RPL13A: variants seen among roughly 807,000 people sequenced by gnomAD.
RPL13A encodes ribosomal protein L13a, also known as large ribosomal subunit protein uL13.
RPL13A carries 4 observed loss-of-function variants against 30.8 expected under a neutral mutation model. The ratio of observed to expected loss-of-function variants is 0.13; its 90% CI spans 0.06 to 0.30. The LOEUF (loss-of-function observed/expected upper bound fraction) is 0.30. Ranked by LOEUF, RPL13A falls within the 10% of genes least tolerant of loss-of-function variation. The pLI is 1.00. For missense variants in RPL13A, 196 were observed against 272.6 expected (o/e 0.72, Z 1.98); for synonymous variants, 108 against 104.2 (o/e 1.04, Z -0.22).
chr19:49,490,007 T>C, intron 2 of RPL13A, 85 bp downstream of exon 2: 2 of 1,205,090 alleles, frequency 1.7e-6, no homozygotes, highest in Non-Finnish European at 2.5e-6. Context: ...CGTTTGAGTC[T>C]CACGGCCATG....
Position 49,487,619 on chromosome 19 carries a change from G to A in RPL13A, c.-11G>A, listed in dbSNP as rs1420397607. ...GACAAAACCTCCTCCTTTTCCAAGC[G>A]GCTGCCGAAGATGGCGGAGGTGCAG... is the stretch of plus-strand genomic sequence containing the variant. On this transcript the variant is annotated 5_prime_UTR_variant, in exon 1 of 8. Coordinates refer to ENST00000391857, the MANE Select transcript of RPL13A (RefSeq NM_012423.4). 6.3e-7 allele frequency: 1 copy of A among 1,576,020 alleles called. No homozygotes were observed. Among genetic ancestry groups the A allele is most frequent in the Admixed American group, 1.9e-5 (1 of 53,578 alleles).
chr19:49,488,238 C>A (rs1438039939), intron 1 of RPL13A, among the ~76,000 whole-genome samples: 2 of 152,068 alleles, frequency 1.3e-5, no homozygotes, highest in African/African-American at 4.8e-5. Context: ...TGGCGATTGT[C>A]CTGAGGCGTG....
intron 6 of RPL13A, 159 bp from the exon 7 acceptor site, chr19:49,491,266 G>T: frequency 8.6e-7 from 1 of 1,165,352 alleles, no homozygotes; most frequent in Non-Finnish European, 1.3e-6. Context: ...AGGAGGCTTG[G>T]GTGGGTGCTT....
intron 2 of RPL13A, 141 bp downstream of exon 2, chr19:49,490,063 C>T (rs370720125): frequency 1.3e-5 from 13 of 1,019,116 alleles, no homozygotes; most frequent in Non-Finnish European, 2.0e-5. Flanking sequence ...CCACTCTTCC[C>T]CAGGGTTGGG....
At position 49,489,997 on chromosome 19, in the gene RPL13A, C is replaced by T. The variant is rs141468307; in HGVS notation, c.88+75C>T. On this transcript the variant is annotated intron_variant, in intron 2 of 7. Coordinates refer to ENST00000391857, the MANE Select transcript of RPL13A (RefSeq NM_012423.4). ...GTGATGAGCAACATTCACCATCTTT[C>T]GTTTGAGTCTCACGGCCATGAGATC... 7.4e-4 allele frequency: 919 copies of T among 1,243,168 alleles called. 10 individuals carry two copies. In the African/African-American group the frequency reaches 0.012, roughly 16 times the overall value. The allele number at this position is 1,243,168 out of a possible 1,614,324, so 77.0% of individuals were successfully genotyped here.
rs1555807000 is a variant in RPL13A, at chr19:49,491,420, C to CCCG, written c.403-5_403-4insCCG. On this transcript the variant is annotated splice_polypyrimidine_tract_variant and splice_region_variant and intron_variant, in intron 6 of 7. Coordinates refer to ENST00000391857, the MANE Select transcript of RPL13A (RefSeq NM_012423.4). Reference sequence around the variant, plus strand: ...TTTGTTCACCCCCCCCCCCCCCCCCCGCAGTTTGCCTATCTGGGGCGCCTG... The same window carrying CCCG: ...TTTGTTCACCCCCCCCCCCCCCCCCCCCGGCAGTTTGCCTATCTGGGGCGCCTG... 7.2e-5 allele frequency: 77 copies of CCCG among 1,072,034 alleles called. 6 individuals are homozygous for CCCG. The highest frequency in any genetic ancestry group is 3.2e-4 in the African/African-American group (12 of 37,658). 66.4% of individuals were successfully genotyped at this position (1,072,034 alleles called of 1,614,324 possible). A position where few individuals can be genotyped will look rare whatever the true frequency, so the allele number is the denominator to read the frequency against.
chr19:49,491,780 A>G lies in RPL13A; in HGVS notation c.577A>G (p.Thr193Ala). 1.2e-6 allele frequency: 2 copies of G among 1,612,886 alleles called. No individual in the cohort carries two copies. The highest frequency in any genetic ancestry group is 2.2e-5 in the East Asian group (1 of 44,872). The change falls in exon 8 of 8, where the codon ACA (threonine) becomes GCA (alanine). Residue 193 changes from threonine (T) to alanine (A), a missense_variant. By Grantham distance (58) the Thr-to-Ala change is moderately conservative. Coordinates refer to ENST00000391857, the MANE Select transcript of RPL13A (RefSeq NM_012423.4). ...CGTGGAGAAGAAAATTGACAAATACACAGAGGTCCTCAAGACCCACGGACT... is the reference window on the plus strand; with the variant it reads ...CGTGGAGAAGAAAATTGACAAATACGCAGAGGTCCTCAAGACCCACGGACT... ...KNVEKKIDKY[T>A]EVLKTHGLLV is the part of the protein sequence containing the mutation.
At chr19:49,490,167 G>A in intron 2 of RPL13A, 65 bp from the exon 3 acceptor site, 1 of 1,451,342 alleles carries the variant, frequency 6.9e-7, no homozygotes, top group Non-Finnish European at 9.7e-7. Context: ...TCTGGAGGGT[G>A]ACTGCATAGG....
At chr19:49,491,577 C>T (rs368833494) in intron 7 of RPL13A, 30 bp downstream of exon 7, 8 of 1,554,072 alleles carry the variant, frequency 5.1e-6, no homozygotes, top group Admixed American at 3.9e-5. Flanking sequence ...CTGAGGGGGG[C>T]ATCTCACTCC....
intron 3 of RPL13A, 31 bp from the exon 4 acceptor site, chr19:49,490,444 G>C (rs1260970412): frequency 6.2e-7 from 1 of 1,609,212 alleles, no homozygotes; most frequent in Admixed American, 1.7e-5. Context: ...CTGGTAGACT[G>C]GGCAGGCCTC....
Position 49,491,011 on chromosome 19 carries a change from G to A in RPL13A, c.343-29G>A, listed in dbSNP as rs58476332. ...CTCCTTCCCTGTCTGTCCCTCCCGG[G>A]CTCTTAAGCCCCTCTCTTTCTCTAA... On this transcript the variant is annotated intron_variant, in intron 5 of 7. Transcript: ENST00000391857. 11,035 of 1,614,058 alleles carry A rather than the reference G, an allele frequency of 6.8e-3. 640 individuals are homozygous for A. In the African/African-American group the frequency reaches 0.12, roughly 18 times the overall value.
intron 1 of RPL13A, among the ~76,000 whole-genome samples, chr19:49,488,303 G>A (rs1022596347): frequency 6.6e-6 from 1 of 152,100 alleles, no homozygotes; most frequent in African/African-American, 2.4e-5. Context: ...GACATCTTTT[G>A]GGCCTGACAC....
chr19:49,491,925 T>A lies in RPL13A; in HGVS notation c.*110T>A. ...GCAGTCCAGGTGCCACAGGCAGCCCTGGGACATAGGAAGCTGGGAGCAAGG... is the reference window on the plus strand; with the variant it reads ...GCAGTCCAGGTGCCACAGGCAGCCCAGGGACATAGGAAGCTGGGAGCAAGG... On this transcript the variant is annotated 3_prime_UTR_variant, in exon 8 of 8. Transcript: ENST00000391857. The A allele has an allele frequency of 1.2e-6, 1 of 823,346 alleles. No homozygotes were observed. The highest frequency in any genetic ancestry group is 1.5e-5 in the South Asian group (1 of 65,330). The allele number at this position is 823,346 out of a possible 1,614,324, so 51.0% of individuals were successfully genotyped here.
chr19:49,490,763 A>T lies in RPL13A; in HGVS notation c.257-16A>T, dbSNP rs202055342. 3 of 1,612,958 alleles carry T rather than the reference A, an allele frequency of 1.9e-6. No individual in the cohort carries two copies. Among genetic ancestry groups the T allele is most frequent in the Non-Finnish European group, 2.5e-6 (3 of 1,179,004 alleles). On this transcript the variant is annotated splice_polypyrimidine_tract_variant and intron_variant, in intron 4 of 7. Coordinates refer to ENST00000391857, the MANE Select transcript of RPL13A (RefSeq NM_012423.4). ...ATGAGGCCCTCTGACTGGGCCTGCT[A>T]TCTGTCACCCAACAGGTATGCTGCC...
chr19:49,491,623 C>T (rs1479545117), intron 7 of RPL13A, 76 bp downstream of exon 7: 57 of 1,560,518 alleles, frequency 3.7e-5, no homozygotes, highest in Non-Finnish European at 4.6e-5. Flanking sequence ...TCACAGAGTA[C>T]TCTTAACTGG....
rs1256350347 is a variant in RPL13A at position 49,492,251 on chromosome 19, C to T, written c.*436C>T. On this transcript the variant is annotated 3_prime_UTR_variant, in exon 8 of 8. Coordinates refer to ENST00000391857, the MANE Select transcript of RPL13A (RefSeq NM_012423.4). ...AGATGCACAACCAAGGGGTTACAGG[C>T]ATCGCCCATGCTCCTCACCTGTATT... The T allele has an allele frequency of 1.2e-5, 2 of 163,598 alleles. No individual in the cohort carries two copies. The highest frequency in any genetic ancestry group is 2.7e-5 in the Non-Finnish European group (2 of 74,520). The allele number at this position is 163,598 out of a possible 1,614,324, so 10.1% of individuals were successfully genotyped here.
At chr19:49,488,228 T>G (rs568322695) in intron 1 of RPL13A, among the ~76,000 whole-genome samples, 54 of 152,234 alleles carry the variant, frequency 3.5e-4, no homozygotes, top group Admixed American at 7.2e-4. Context: ...TTTTGGGGAT[T>G]GGCGATTGTC....
At chr19:49,490,631 AC>A in intron 4 of RPL13A, 55 bp downstream of exon 4, 1 of 1,587,972 alleles carries the variant, frequency 6.3e-7, no homozygotes, top group East Asian at 2.2e-5. Flanking sequence ...GGTGATGAGA[AC>A]TTCTCCCACT....
chr19:49,488,670 G>A (rs934123318), intron 1 of RPL13A, among the ~76,000 whole-genome samples: 1 of 152,244 alleles, frequency 6.6e-6, no homozygotes, highest in Non-Finnish European at 1.5e-5. Flanking sequence ...ACCAGTGTGT[G>A]CTTCATGCTT....
Sources: gnomAD v4.1 joint callset for allele counts (sites outside exome capture counted in the v4.1 genomes callset) on GRCh38, gnomAD v4.1.1 for gene constraint, MANE v1.5 for transcripts, NCBI Gene and HGNC (gene_info 2026-07-23, HGNC 2026-07-21) for gene names.